The following WNT7B variants were observed in gnomAD, a reference collection of about 807,000 sequenced individuals.
WNT7B encodes the protein Wnt family member 7B.
WNT7B carries 19 observed loss-of-function variants against 38.2 expected under a neutral mutation model. That is an observed-to-expected ratio of 0.50 (90% CI 0.35 to 0.73). The LOEUF is 0.73. Ranked by LOEUF, WNT7B falls within the 30% of genes least tolerant of loss-of-function variation. The pLI is 0.01. For synonymous variants in WNT7B, 243 were observed against 209.3 expected (o/e 1.16, Z -1.39); for missense variants, 423 against 507.9 (o/e 0.83, Z 1.61).
At position 45,976,855 on chromosome 22, in the gene WNT7B, C is replaced by T; in HGVS notation, c.-101G>A. On this transcript the variant is annotated 5_prime_UTR_variant, in exon 1 of 4. Transcript: ENST00000339464. The surrounding 1 kb of genome is among the most constrained non-coding windows in gnomAD (Gnocchi z 8.5). Reference sequence around the variant, plus strand: ...GCCAGGGGGCTGCGGGCAGACTGCGCTCAGCCCGCGCTGCGGCTCGGGCGG... The same window carrying T: ...GCCAGGGGGCTGCGGGCAGACTGCGTTCAGCCCGCGCTGCGGCTCGGGCGG... 2 of 1,086,242 alleles carry T rather than the reference C, an allele frequency of 1.8e-6. No individual in the cohort carries two copies. The highest frequency in any genetic ancestry group is 2.3e-6 in the Non-Finnish European group (2 of 887,012). 67.3% of individuals were successfully genotyped at this position (1,086,242 alleles called of 1,614,324 possible).
At chr22:45,959,326 A>T (rs1295883231) in intron 1 of WNT7B, among the ~76,000 whole-genome samples, 1 of 152,112 alleles carries the variant, frequency 6.6e-6, no homozygotes, top group Non-Finnish European at 1.5e-5. Context: ...TTGCACCCCC[A>T]CTTCACATAG....
chr22:45,924,938 CT>C (rs1931034912), intron 3 of WNT7B, among the ~76,000 whole-genome samples: 1 of 143,478 alleles, frequency 7.0e-6, no homozygotes, highest in Non-Finnish European at 1.5e-5. Flanking sequence ...CTGGGTGGGC[CT>C]GAAGGCTCAT....
At chr22:45,952,150 C>T (rs28678280) in intron 1 of WNT7B, among the ~76,000 whole-genome samples, 11,578 of 152,278 alleles carry the variant, frequency 0.076, 1,038 homozygotes, top group African/African-American at 0.22. Flanking sequence ...GGGGGCTCCC[C>T]GAAGCTGATG....
intron 1 of WNT7B, among the ~76,000 whole-genome samples, chr22:45,961,210 C>T (rs914425654): frequency 3.9e-5 from 6 of 152,246 alleles, no homozygotes. Flanking sequence ...AGCTGGTGCC[C>T]CGTCCTTTCT....
intron 2 of WNT7B, among the ~76,000 whole-genome samples, chr22:45,937,908 T>C (rs571259423): frequency 2.8e-4 from 42 of 151,114 alleles, no homozygotes; most frequent in African/African-American, 1.0e-3. Context: ...ACCTGGGAGG[T>C]TGAGGTAGGA....
Position 45,923,159 on chromosome 22 carries a change from G to A in WNT7B, c.747C>T (p.Pro249=), listed in dbSNP as rs1177538385. ...GCAGCTGTTTGATGCGCAGGAAGGT[G>A]GGCTGCCGCAGACGGCTGGCCCGCA... The part of the protein sequence containing the change: ...EVVRASRLRQ[P]TFLRIKQLRS... Residue 249 remains proline, a synonymous_variant, in exon 4 of 4, where the codon CCC becomes CCT. Transcript: ENST00000339464. 3.1e-6 allele frequency: 5 copies of A among 1,613,534 alleles called. No homozygotes were observed. In the Admixed American group the frequency reaches 5.0e-5, roughly 16 times the overall value.
chr22:45,940,705 G>T (rs1446596471), intron 2 of WNT7B, among the ~76,000 whole-genome samples: 1 of 152,212 alleles, frequency 6.6e-6, no homozygotes, highest in Non-Finnish European at 1.5e-5. Context: ...AGAGGCCAGG[G>T]GTCAGAGCCA....
intron 1 of WNT7B, among the ~76,000 whole-genome samples, chr22:45,964,464 C>T (rs1338479636): frequency 6.6e-6 from 1 of 152,122 alleles, no homozygotes; most frequent in Non-Finnish European, 1.5e-5. Flanking sequence ...CAGGAGGAGC[C>T]CCAGGAAATG....
In WNT7B at chr22:45,939,692, T is replaced by C. The variant is rs191533182; in HGVS notation, c.299-8323A>G. ...ACACAAAAATAGCCAGGTGTGGTGG[T>C]GCACGTGCCTGTGGTCCCAGCTCCT... On this transcript the variant is annotated intron_variant, in intron 2 of 3. Transcript: ENST00000339464. Among the ~76,000 whole-genome samples the C allele has an allele frequency of 5.9e-3, 882 of 148,900 alleles. 9 individuals carry two copies. Among genetic ancestry groups the C allele is most frequent in the African/African-American group, 0.022 (849 of 39,424 alleles).
intron 3 of WNT7B, among the ~76,000 whole-genome samples, chr22:45,924,744 C>T (rs1021851544): frequency 4.2e-5 from 6 of 144,480 alleles, no homozygotes; most frequent in Admixed American, 2.8e-4. Context: ...CAGGTGGGTG[C>T]CGGGCGGGCC....
intron 2 of WNT7B, among the ~76,000 whole-genome samples, chr22:45,939,632 A>AACACACACACACACACACACAC (rs56152359): frequency 3.2e-4 from 46 of 144,878 alleles, no homozygotes; most frequent in South Asian, 1.1e-3. Flanking sequence ...TGTCTCTACA[A>AACACACACACACACACACACAC]ACACACACAC....
chr22:45,955,529 C>T (rs529928801), intron 1 of WNT7B, among the ~76,000 whole-genome samples: 4 of 152,302 alleles, frequency 2.6e-5, no homozygotes, highest in East Asian at 1.9e-4. Flanking sequence ...TCCTCAGCTG[C>T]TTGCCTGGGT....
intron 1 of WNT7B, among the ~76,000 whole-genome samples, chr22:45,953,375 C>G (rs1931983742): frequency 6.6e-6 from 1 of 152,226 alleles, no homozygotes; most frequent in African/African-American, 2.4e-5. Flanking sequence ...TGTCCATGCC[C>G]CGCTTCCCCA....
chr22:45,961,012 C>A (rs1011512299), intron 1 of WNT7B, among the ~76,000 whole-genome samples: 1 of 152,214 alleles, frequency 6.6e-6, no homozygotes, highest in Non-Finnish European at 1.5e-5. Context: ...CCACAGGCTG[C>A]AGACTGGCCA....
At chr22:45,934,278 A>AGG (rs1931456635) in intron 2 of WNT7B, among the ~76,000 whole-genome samples, 2 of 152,146 alleles carry the variant, frequency 1.3e-5, no homozygotes, top group Non-Finnish European at 2.9e-5. Flanking sequence ...CTCTGAGGCT[A>AGG]AGGTGACCTG....
chr22:45,930,818 T>C lies in WNT7B; in HGVS notation c.570+280A>G, dbSNP rs929508487. Among the ~76,000 whole-genome samples, 5 of 152,298 alleles carry C rather than the reference T, an allele frequency of 3.3e-5. No homozygotes were observed. The East Asian group carries it at 5.8e-4, about 18-fold the overall frequency. On this transcript the variant is annotated intron_variant, in intron 3 of 3. Coordinates refer to ENST00000339464, the MANE Select transcript of WNT7B (RefSeq NM_058238.3). ...CACGGGGTCCCCAGCCAAGCCCAGC[T>C]CACACCCTGCATGGAAATGGAGTCC...
intron 2 of WNT7B, among the ~76,000 whole-genome samples, chr22:45,937,802 G>C (rs1039977049): frequency 6.6e-6 from 1 of 152,198 alleles, no homozygotes; most frequent in Non-Finnish European, 1.5e-5. Flanking sequence ...CTGAGGTCAG[G>C]AGTTCGAGCC....
chr22:45,941,335 C>G (rs985142535), intron 2 of WNT7B, among the ~76,000 whole-genome samples: 4 of 152,108 alleles, frequency 2.6e-5, no homozygotes, highest in Non-Finnish European at 4.4e-5. Flanking sequence ...CATGGCGAAA[C>G]CCCGTCTGTA....
intron 3 of WNT7B, among the ~76,000 whole-genome samples, chr22:45,930,434 A>C (rs914306485): frequency 3.3e-5 from 5 of 152,168 alleles, no homozygotes; most frequent in African/African-American, 1.2e-4. Context: ...TGGCCACCCT[A>C]TCTCAGGCCA....
Sources: gnomAD v4.1 joint callset for allele counts (sites outside exome capture counted in the v4.1 genomes callset) on GRCh38, gnomAD v4.1.1 for gene constraint, Gnocchi (gnomAD v3.1) non-coding constraint, MANE v1.5 for transcripts, NCBI Gene and HGNC (gene_info 2026-07-23, HGNC 2026-07-21) for gene names.